The following CSMD1 variants were observed in gnomAD, a reference collection of about 807,000 sequenced individuals.
The protein encoded by CSMD1 is CUB and Sushi multiple domains 1.
CSMD1 carries 213 observed loss-of-function variants against 417.5 expected under a neutral mutation model. That is an observed-to-expected ratio of 0.51 (90% CI 0.46 to 0.57). The LOEUF (loss-of-function observed/expected upper bound fraction) is 0.57, where lower values mean the gene tolerates loss of function less well. Among genes scored for constraint, CSMD1 ranks in the 20% least tolerant of loss-of-function variants. CSMD1 has a pLI of 0.00. For synonymous variants in CSMD1, 2,862 were observed against 1,736.8 expected (o/e 1.65, Z -16.11); for missense variants, 6,923 against 4,529.7 (o/e 1.53, Z -15.17).
At chr8:4,487,637 A>G (rs73496620) in intron 2 of CSMD1, among the ~76,000 whole-genome samples, 3,367 of 152,272 alleles carry the variant, frequency 0.022, 153 homozygotes, top group African/African-American at 0.077. Flanking sequence ...AATAAGGCAC[A>G]CCCTTGATTT....
At chr8:4,293,773 C>T (rs1026577794) in intron 3 of CSMD1, among the ~76,000 whole-genome samples, 6 of 152,142 alleles carry the variant, frequency 3.9e-5, no homozygotes, top group African/African-American at 1.4e-4. Context: ...CAGTTTGGTA[C>T]AAATAAAACA....
intron 1 of CSMD1, among the ~76,000 whole-genome samples, chr8:4,926,564 G>C (rs1286106172): frequency 6.6e-6 from 1 of 152,096 alleles, no homozygotes; most frequent in Non-Finnish European, 1.5e-5. Flanking sequence ...ATGTGATATA[G>C]CCTTGGGGAA....
At chr8:3,092,917 T>C (rs1284088363) in intron 47 of CSMD1, among the ~76,000 whole-genome samples, 2 of 152,174 alleles carry the variant, frequency 1.3e-5, no homozygotes, top group Non-Finnish European at 2.9e-5. Context: ...TTGTTCATAA[T>C]ACAAATGCTA....
intron 1 of CSMD1, among the ~76,000 whole-genome samples, chr8:4,938,351 C>G (rs897948594): frequency 1.3e-5 from 2 of 152,108 alleles, no homozygotes; most frequent in Non-Finnish European, 2.9e-5. Context: ...TCAAAGATTC[C>G]AAAATGCTTC....
intron 5 of CSMD1, among the ~76,000 whole-genome samples, chr8:3,849,754 A>G (rs971928623): frequency 1.3e-5 from 2 of 152,186 alleles, no homozygotes; most frequent in Non-Finnish European, 2.9e-5. Context: ...TCTTGTACAA[A>G]TATCTTTTGA....
intron 1 of CSMD1, among the ~76,000 whole-genome samples, chr8:4,699,679 C>T (rs531701686): frequency 1.0e-3 from 155 of 152,150 alleles, no homozygotes; most frequent in Admixed American, 2.6e-3. Context: ...TGTCATCATC[C>T]GTACATATGA....
chr8:3,957,244 T>A (rs976304197), intron 5 of CSMD1, among the ~76,000 whole-genome samples: 1 of 152,226 alleles, frequency 6.6e-6, no homozygotes, highest in Non-Finnish European at 1.5e-5. Flanking sequence ...AGACAGTCTT[T>A]GTGTGTAGGT....
At chr8:4,773,406 C>A (rs949705495) in intron 1 of CSMD1, among the ~76,000 whole-genome samples, 1 of 152,166 alleles carries the variant, frequency 6.6e-6, no homozygotes, top group Middle Eastern at 3.2e-3. Context: ...CTTGTTTCTG[C>A]AGCAGTTGCT....
At chr8:3,658,637 G>C (rs1031034898) in intron 7 of CSMD1, among the ~76,000 whole-genome samples, 1 of 151,842 alleles carries the variant, frequency 6.6e-6, no homozygotes, top group South Asian at 2.1e-4. Context: ...ACAAAAATCA[G>C]TTGGGCGTGG....
At chr8:4,100,959 T>C (rs1801274299) in intron 3 of CSMD1, among the ~76,000 whole-genome samples, 1 of 152,200 alleles carries the variant, frequency 6.6e-6, no homozygotes, top group South Asian at 2.1e-4. Flanking sequence ...TTGTCTGTAA[T>C]CACTCCATCA....
chr8:3,955,028 G>A (rs1475046579), intron 5 of CSMD1, among the ~76,000 whole-genome samples: 1 of 152,152 alleles, frequency 6.6e-6, no homozygotes, highest in Non-Finnish European at 1.5e-5. Context: ...CCTTTGCACT[G>A]CTAATTTATC....
chr8:4,555,228 G>A (rs574445852), intron 2 of CSMD1, among the ~76,000 whole-genome samples: 4 of 152,294 alleles, frequency 2.6e-5, no homozygotes, highest in African/African-American at 7.2e-5. Context: ...ACCAGCTTAC[G>A]GGTTATTGCA....
At chr8:4,024,049 C>G (rs1331929071) in intron 4 of CSMD1, among the ~76,000 whole-genome samples, 2 of 151,576 alleles carry the variant, frequency 1.3e-5, no homozygotes, top group African/African-American at 4.9e-5. Flanking sequence ...ACATAGAGGC[C>G]AAAACAGGAG....
At chr8:3,520,475 C>G (rs1797462006) in intron 10 of CSMD1, among the ~76,000 whole-genome samples, 1 of 152,114 alleles carries the variant, frequency 6.6e-6, no homozygotes, top group Admixed American at 6.5e-5. Context: ...TATTGCTAGA[C>G]TGTAGTCAAC....
At chr8:4,501,372 G>A (rs1802250807) in intron 2 of CSMD1, among the ~76,000 whole-genome samples, 1 of 151,950 alleles carries the variant, frequency 6.6e-6, no homozygotes, top group Non-Finnish European at 1.5e-5. Context: ...ATTTTTATTA[G>A]GCATCATTTA....
intron 41 of CSMD1, among the ~76,000 whole-genome samples, chr8:3,123,814 G>C (rs565212968): frequency 6.6e-6 from 1 of 152,132 alleles, no homozygotes; most frequent in African/African-American, 2.4e-5. Flanking sequence ...TTAAAACAGC[G>C]TTTAACAGAG....
intron 7 of CSMD1, among the ~76,000 whole-genome samples, chr8:3,618,523 A>G (rs1050390638): frequency 1.3e-5 from 2 of 152,068 alleles, no homozygotes; most frequent in Admixed American, 1.3e-4. Context: ...TGACAATTAT[A>G]TTGAATTCCA....
chr8:4,828,936 C>G lies in CSMD1; in HGVS notation c.85+165396G>C, dbSNP rs182500416. ...GTTCATAAAGGTTAATTAACCATCC[C>G]CAAACCATAGAGCTAGTAATTCCTG... On this transcript the variant is annotated intron_variant, in intron 1 of 69. Transcript: ENST00000635120. 2.2e-3 allele frequency among the ~76,000 whole-genome samples: 338 copies of G among 152,222 alleles called. 2 individuals carry two copies. The highest frequency in any genetic ancestry group is 8.0e-3 in the African/African-American group (331 of 41,540).
chr8:4,550,100 G>A (rs190703233), intron 2 of CSMD1, among the ~76,000 whole-genome samples: 2 of 151,684 alleles, frequency 1.3e-5, no homozygotes, highest in East Asian at 2.0e-4. Flanking sequence ...TGGGTTGCTC[G>A]GTAGAAACGG....
Sources: gnomAD v4.1 joint callset for allele counts (sites outside exome capture counted in the v4.1 genomes callset) on GRCh38, gnomAD v4.1.1 for gene constraint, MANE v1.5 for transcripts, NCBI Gene and HGNC (gene_info 2026-07-23, HGNC 2026-07-21) for gene names.